The following REDIC1 variants were observed in gnomAD, a reference collection of about 807,000 sequenced individuals.
The protein encoded by REDIC1 is HEI10 Interacting Protein 1.
At chr12:39,650,401 C>T in the REDIC1 span, 1 of 1,551,628 alleles carries the variant, frequency 6.4e-7, no homozygotes. The surrounding 1 kb of genome is among the most constrained non-coding windows in gnomAD (Gnocchi z 4.3). Flanking sequence ...GCATTCTGTA[C>T]TTTCACTTAG....
the REDIC1 span, among the ~76,000 whole-genome samples, chr12:39,740,398 G>C: frequency 2.0e-5 from 3 of 152,124 alleles, no homozygotes; most frequent in Non-Finnish European, 4.4e-5. Context: ...CAAATGTGGA[G>C]TTAGCATTTA....
the REDIC1 span, among the ~76,000 whole-genome samples, chr12:39,731,545 G>T: frequency 6.6e-6 from 1 of 152,114 alleles, no homozygotes; most frequent in African/African-American, 2.4e-5. Flanking sequence ...AGGGGCACCC[G>T]CCAGATGCCA....
At chr12:39,700,659 G>A in the REDIC1 span, among the ~76,000 whole-genome samples, 4 of 152,048 alleles carry the variant, frequency 2.6e-5, no homozygotes, top group South Asian at 8.4e-4. Context: ...TTGAAATGAA[G>A]GAAAAAATGT....
the REDIC1 span, among the ~76,000 whole-genome samples, chr12:39,865,655 G>A: frequency 6.6e-6 from 1 of 152,168 alleles, no homozygotes; most frequent in Non-Finnish European, 1.5e-5. Flanking sequence ...AGGGTCATGG[G>A]AAGAATGGAG....
chr12:39,650,108 T>G, the REDIC1 span: 2 of 1,002,786 alleles, frequency 2.0e-6, no homozygotes, highest in Non-Finnish European at 2.6e-6. This position sits in a 1 kb window ranked among gnomAD's most constrained non-coding sequence, Gnocchi z 4.3. Flanking sequence ...TAAAATTACT[T>G]TATTTTGGAC....
At chr12:39,634,565 G>T in the REDIC1 span, among the ~76,000 whole-genome samples, 3 of 152,194 alleles carry the variant, frequency 2.0e-5, no homozygotes, top group Non-Finnish European at 4.4e-5. Flanking sequence ...AAATGGTGCT[G>T]GGAAAACTGG....
chr12:39,644,752 G>C, the REDIC1 span, among the ~76,000 whole-genome samples: 1 of 151,700 alleles, frequency 6.6e-6, no homozygotes, highest in African/African-American at 2.4e-5. Flanking sequence ...ATTCCCAGTC[G>C]TAGGGGAATA....
At chr12:39,907,896 C>T in the REDIC1 span, 2 of 152,112 alleles carry the variant, frequency 1.3e-5, no homozygotes, top group South Asian at 2.1e-4. Flanking sequence ...ATCAATGCTC[C>T]CAACCCACCC....
chr12:39,652,126 C>T, the REDIC1 span, among the ~76,000 whole-genome samples: 2 of 152,188 alleles, frequency 1.3e-5, no homozygotes, highest in East Asian at 3.9e-4. Context: ...ATGGACATAG[C>T]ACAACGTATT....
At chr12:39,635,602 A>G in the REDIC1 span, among the ~76,000 whole-genome samples, 1 of 141,354 alleles carries the variant, frequency 7.1e-6, no homozygotes, top group Non-Finnish European at 1.5e-5. Context: ...ATGAGAACAC[A>G]TGGACAAAGG....
the REDIC1 span, among the ~76,000 whole-genome samples, chr12:39,777,382 A>G: frequency 6.6e-6 from 1 of 152,076 alleles, no homozygotes. Context: ...AAAATTATAG[A>G]AATCTACAGC....
the REDIC1 span, among the ~76,000 whole-genome samples, chr12:39,672,010 G>A: frequency 2.6e-5 from 4 of 152,142 alleles, no homozygotes; most frequent in Non-Finnish European, 5.9e-5. Context: ...AGTCCTTACA[G>A]TGGTGTACAT....
At chr12:39,726,050 A>G in the REDIC1 span, among the ~76,000 whole-genome samples, 3 of 152,036 alleles carry the variant, frequency 2.0e-5, no homozygotes, top group Non-Finnish European at 4.4e-5. Context: ...TTGCCTTTTC[A>G]AAACAACTTG....
At chr12:39,879,648 A>G in the REDIC1 span, among the ~76,000 whole-genome samples, 2 of 152,132 alleles carry the variant, frequency 1.3e-5, no homozygotes, top group East Asian at 3.9e-4. Flanking sequence ...TTGTTTACCC[A>G]ATGCCTATAC....
the REDIC1 span, among the ~76,000 whole-genome samples, chr12:39,779,248 T>TA: frequency 6.6e-6 from 1 of 152,118 alleles, no homozygotes; most frequent in Non-Finnish European, 1.5e-5. Context: ...ATAAAATGAG[T>TA]ATGTTGGATG....
chr12:39,896,293 T>C, the REDIC1 span, among the ~76,000 whole-genome samples: 1 of 105,942 alleles, frequency 9.4e-6, no homozygotes, highest in African/African-American at 3.3e-5. Flanking sequence ...TATGTATATG[T>C]GTGTATATAT....
chr12:39,694,569 G>A, the REDIC1 span, among the ~76,000 whole-genome samples: 6 of 152,280 alleles, frequency 3.9e-5, no homozygotes, highest in African/African-American at 1.4e-4. Flanking sequence ...AACCAGAGGG[G>A]AATTGCTGAT....
chr12:39,877,847 C>G, the REDIC1 span, among the ~76,000 whole-genome samples: 1 of 152,102 alleles, frequency 6.6e-6, no homozygotes, highest in Non-Finnish European at 1.5e-5. Context: ...TCATCCCTGC[C>G]CAAATCTTAT....
the REDIC1 span, among the ~76,000 whole-genome samples, chr12:39,702,724 A>G: frequency 5.9e-5 from 9 of 152,242 alleles, no homozygotes; most frequent in Non-Finnish European, 1.2e-4. Flanking sequence ...CACATGAAAA[A>G]GCTTATCCAC....
Sources: gnomAD v4.1 joint callset for allele counts (sites outside exome capture counted in the v4.1 genomes callset) on GRCh38, gnomAD v4.1.1 for gene constraint, Gnocchi (gnomAD v3.1) non-coding constraint, MANE v1.5 for transcripts, NCBI Gene and HGNC (gene_info 2026-07-23, HGNC 2026-07-21) for gene names.